LRRTM4: variants seen among roughly 807,000 people sequenced by gnomAD.
LRRTM4 encodes the protein leucine-rich repeat transmembrane neuronal protein 4.
Under a neutral mutation model 47.6 loss-of-function variants are expected in LRRTM4, and 25 were observed. The observed-to-expected ratio is 0.53, with a 90% CI of 0.38 to 0.73. The LOEUF is 0.73. Ranked by LOEUF, LRRTM4 falls within the 30% of genes least tolerant of loss-of-function variation. LRRTM4 has a pLI of 0.00. For missense variants in LRRTM4, 638 were observed against 713.4 expected, an observed-to-expected ratio of 0.89 and a Z score of 1.20; for synonymous variants, 311 against 269.5, an observed-to-expected ratio of 1.15 and a Z score of -1.51.
intron 3 of LRRTM4, among the ~76,000 whole-genome samples, chr2:77,311,701 C>T (rs1445365283): frequency 6.6e-6 from 1 of 152,078 alleles, no homozygotes; most frequent in African/African-American, 2.4e-5. Flanking sequence ...GCAGTAAAGC[C>T]ACTAGAAGAA....
intron 3 of LRRTM4, among the ~76,000 whole-genome samples, chr2:77,085,866 T>G (rs1008104199): frequency 7.2e-5 from 11 of 152,276 alleles, no homozygotes; most frequent in Non-Finnish European, 1.6e-4. Context: ...TTCCTAAATC[T>G]TTTAAAGATT....
At chr2:77,145,718 G>A (rs1235829685) in intron 3 of LRRTM4, among the ~76,000 whole-genome samples, 1 of 151,652 alleles carries the variant, frequency 6.6e-6, no homozygotes, top group Admixed American at 6.6e-5. Context: ...AGCTTGCAGT[G>A]AGCAGAGATC....
At chr2:77,228,603 G>T (rs1202212186) in intron 3 of LRRTM4, among the ~76,000 whole-genome samples, 17 of 152,236 alleles carry the variant, frequency 1.1e-4, no homozygotes, top group Non-Finnish European at 2.9e-5. Context: ...TAAGCCCAAG[G>T]CTTGGATTCC....
At chr2:76,776,810 G>A (rs1277963370) in intron 3 of LRRTM4, among the ~76,000 whole-genome samples, 3 of 145,684 alleles carry the variant, frequency 2.1e-5, no homozygotes, top group Non-Finnish European at 4.5e-5. Flanking sequence ...TGCTTTTGGT[G>A]TTTTAGACAT....
At chr2:77,378,027 T>A (rs1242697534) in intron 3 of LRRTM4, among the ~76,000 whole-genome samples, 4 of 152,016 alleles carry the variant, frequency 2.6e-5, no homozygotes, top group Non-Finnish European at 5.9e-5. Flanking sequence ...AAAAAGTTCA[T>A]TTTGCACAGG....
chr2:76,802,016 T>C (rs2103776184), intron 3 of LRRTM4, among the ~76,000 whole-genome samples: 1 of 152,256 alleles, frequency 6.6e-6, no homozygotes, highest in South Asian at 2.1e-4. Context: ...GCTAACATCA[T>C]ATTCAACGGT....
intron 3 of LRRTM4, among the ~76,000 whole-genome samples, chr2:76,845,218 C>T (rs919613110): frequency 2.6e-5 from 4 of 152,044 alleles, no homozygotes; most frequent in South Asian, 4.2e-4. Context: ...TGGCCTCGTG[C>T]GGTGGCTCAC....
chr2:77,355,706 G>T, intron 3 of LRRTM4, among the ~76,000 whole-genome samples: 1 of 152,196 alleles, frequency 6.6e-6, no homozygotes, highest in East Asian at 1.9e-4. Flanking sequence ...TCCATCAAGT[G>T]ACACCTGCTG....
chr2:77,367,151 C>T (rs13397057), intron 3 of LRRTM4, among the ~76,000 whole-genome samples: 7 of 151,746 alleles, frequency 4.6e-5, no homozygotes, highest in South Asian at 4.2e-4. Context: ...TCCTTGCCTT[C>T]GTCACCTAAT....
chr2:77,062,829 G>A (rs1679830922), intron 3 of LRRTM4, among the ~76,000 whole-genome samples: 1 of 152,164 alleles, frequency 6.6e-6, no homozygotes, highest in South Asian at 2.1e-4. Flanking sequence ...ATATTCTGCA[G>A]TACAGATGCA....
rs1380742647 is a variant in LRRTM4, at chr2:77,519,314, A to T, written c.555T>A (p.Phe185Leu). 6 of 1,613,532 alleles carry T rather than the reference A, an allele frequency of 3.7e-6. No homozygotes were observed. Among genetic ancestry groups the T allele is most frequent in the Non-Finnish European group, 5.1e-6 (6 of 1,179,624 alleles). The change falls in exon 3 of 4, where the codon TTT becomes TTA. Residue 185 changes from phenylalanine to leucine, a missense_variant. Coordinates refer to ENST00000409884, the MANE Select transcript of LRRTM4 (RefSeq NM_001134745.3). This position sits in a 1 kb window ranked among gnomAD's most constrained non-coding sequence, Gnocchi z 4.6. Reference protein sequence around the residue: ...RVFQDCRNLDFLDLGYNRLRS... With the variant: ...RVFQDCRNLDLLDLGYNRLRS... ...GAAGACGATTGTAACCCAAATCCAAAAAATCAAGATTCCGACAGTCTTGAA... is the reference window on the plus strand; with the variant it reads ...GAAGACGATTGTAACCCAAATCCAATAAATCAAGATTCCGACAGTCTTGAA...
chr2:77,125,466 C>A (rs1325843364), intron 3 of LRRTM4, among the ~76,000 whole-genome samples: 8 of 152,104 alleles, frequency 5.3e-5, no homozygotes. Context: ...TGTTGTTAGT[C>A]TCCTACCTTT....
intron 3 of LRRTM4, among the ~76,000 whole-genome samples, chr2:77,463,336 A>T (rs1194807875): frequency 6.6e-6 from 1 of 152,138 alleles, no homozygotes; most frequent in Admixed American, 6.6e-5. Flanking sequence ...ACATGATTGT[A>T]AATAACAAAA....
At chr2:76,897,830 C>T (rs1369746945) in intron 3 of LRRTM4, among the ~76,000 whole-genome samples, 3 of 152,188 alleles carry the variant, frequency 2.0e-5, no homozygotes, top group African/African-American at 7.2e-5. Flanking sequence ...TCCCCATCTC[C>T]ATTCCTGCCT....
chr2:76,803,846 T>C (rs1274048346), intron 3 of LRRTM4, among the ~76,000 whole-genome samples: 1 of 152,152 alleles, frequency 6.6e-6, no homozygotes, highest in African/African-American at 2.4e-5. Context: ...TTTTATGCTA[T>C]GCCAAAAACC....
At chr2:76,862,526 T>C (rs1672342860) in intron 3 of LRRTM4, among the ~76,000 whole-genome samples, 1 of 152,190 alleles carries the variant, frequency 6.6e-6, no homozygotes, top group African/African-American at 2.4e-5. Context: ...TGAAGGTCAT[T>C]GCTCTGGACT....
chr2:77,067,956 A>G (rs895915776), intron 3 of LRRTM4, among the ~76,000 whole-genome samples: 1 of 152,202 alleles, frequency 6.6e-6, no homozygotes, highest in African/African-American at 2.4e-5. Context: ...CATAAAATAA[A>G]TTGAAAGTAA....
At chr2:77,360,487 G>GATACA (rs1672154638) in intron 3 of LRRTM4, among the ~76,000 whole-genome samples, 1 of 59,124 alleles carries the variant, frequency 1.7e-5, no homozygotes, top group Admixed American at 2.1e-4. Context: ...GATACGATAC[G>GATACA]ATACGATACG....
chr2:76,748,662 A>G lies in LRRTM4; in HGVS notation c.*33T>C. ...AAGATGAAGGCCCTCCCTCCCCCCCATGGAGCTCCCCAGTGAGGAGTTGGC... is the reference window on the plus strand; with the variant it reads ...AAGATGAAGGCCCTCCCTCCCCCCCGTGGAGCTCCCCAGTGAGGAGTTGGC... On this transcript the variant is annotated 3_prime_UTR_variant, in exon 4 of 4. Transcript: ENST00000409884. The G allele has an allele frequency of 1.3e-6, 1 of 774,258 alleles. No homozygotes were observed. The highest frequency in any genetic ancestry group is 2.1e-6 in the Non-Finnish European group (1 of 466,908). The allele number at this position is 774,258 out of a possible 1,614,324, so 48.0% of individuals were successfully genotyped here. A position where few individuals can be genotyped will look rare whatever the true frequency, so the allele number is the denominator to read the frequency against.
Sources: gnomAD v4.1 joint callset for allele counts (sites outside exome capture counted in the v4.1 genomes callset) on GRCh38, gnomAD v4.1.1 for gene constraint, Gnocchi (gnomAD v3.1) non-coding constraint, MANE v1.5 for transcripts, NCBI Gene and HGNC (gene_info 2026-07-23, HGNC 2026-07-21) for gene names.